The following NF2 variants were observed in gnomAD, a reference collection of about 807,000 sequenced individuals.
The protein encoded by NF2 is merlin.
In NF2, 8 loss-of-function variants were observed where a neutral mutation model predicts 83.7. The ratio of observed to expected loss-of-function variants is 0.10; its 90% confidence interval spans 0.06 to 0.17. The LOEUF (loss-of-function observed/expected upper bound fraction) is 0.17, where lower values mean the gene tolerates loss of function less well. Ranked by LOEUF, NF2 falls within the 10% of genes least tolerant of loss-of-function variation. NF2 has a pLI of 1.00. For synonymous variants in NF2, 266 were observed against 269.6 expected (o/e 0.99, Z 0.13); for missense variants, 533 against 744.4 (o/e 0.72, Z 3.31).
intron 9 of NF2, among the ~76,000 whole-genome samples, chr22:29,665,407 C>T (rs1480544454): frequency 6.6e-6 from 1 of 151,994 alleles, no homozygotes; most frequent in Non-Finnish European, 1.5e-5. Context: ...CCATGCCCAG[C>T]TAATTTTTGT....
chr22:29,698,131 A>G lies in NF2; in HGVS notation c.*3329A>G. Reference sequence around the variant, plus strand: ...TTCATCCTGATCAAGGCCCCACCTCAGCCACAGCAGTCCCCCCAACCTGTG... The same window carrying G: ...TTCATCCTGATCAAGGCCCCACCTCGGCCACAGCAGTCCCCCCAACCTGTG... On this transcript the variant is annotated 3_prime_UTR_variant, in exon 16 of 16. Transcript: ENST00000338641. 1.3e-5 allele frequency: 3 copies of G among 232,212 alleles called. No individual in the cohort carries two copies. Among genetic ancestry groups the G allele is most frequent in the Non-Finnish European group, 2.6e-5 (3 of 117,292 alleles). The allele number at this position is 232,212 out of a possible 1,614,324, so 14.4% of individuals were successfully genotyped here. A position where few individuals can be genotyped will look rare whatever the true frequency, so the allele number is the denominator to read the frequency against.
chr22:29,644,070 C>G (rs1357096756), intron 4 of NF2, among the ~76,000 whole-genome samples: 1 of 150,344 alleles, frequency 6.7e-6, no homozygotes, highest in East Asian at 2.0e-4. Context: ...CGGAGACGCT[C>G]CTCACTTCCC....
chr22:29,628,373 G>A (rs1278999967), intron 1 of NF2, among the ~76,000 whole-genome samples: 1 of 152,082 alleles, frequency 6.6e-6, no homozygotes, highest in Non-Finnish European at 1.5e-5. Flanking sequence ...ACAAATAAAT[G>A]GAAGCACATA....
intron 2 of NF2, among the ~76,000 whole-genome samples, chr22:29,638,686 G>C (rs2065716081): frequency 6.6e-6 from 1 of 151,942 alleles, no homozygotes. Context: ...CCTAAATATT[G>C]GCAGTAGGCA....
intron 15 of NF2, among the ~76,000 whole-genome samples, chr22:29,692,164 G>A (rs1279296295): frequency 2.6e-5 from 4 of 152,178 alleles, no homozygotes; most frequent in East Asian, 1.9e-4. Flanking sequence ...CAGCCAGGTC[G>A]TGGCTGCCTC....
At chr22:29,682,933 T>C (rs1443405237) in intron 15 of NF2, 1 of 1,512,090 alleles carries the variant, frequency 6.6e-7, no homozygotes. Flanking sequence ...TTCAGGCCTA[T>C]CCAAGCATTT....
intron 1 of NF2, among the ~76,000 whole-genome samples, chr22:29,625,806 C>G (rs1569273698): frequency 6.6e-6 from 1 of 152,218 alleles, no homozygotes; most frequent in Non-Finnish European, 1.5e-5. Context: ...AGCCTTTTCT[C>G]TTCCAACTCT....
chr22:29,660,405 T>C (rs1215092737), intron 7 of NF2, among the ~76,000 whole-genome samples: 2 of 152,216 alleles, frequency 1.3e-5, no homozygotes, highest in East Asian at 1.9e-4. Context: ...CCCATATATA[T>C]GCACAATCTA....
At chr22:29,661,400 T>G in intron 8 of NF2, 61 bp downstream of exon 8, 1 of 1,605,596 alleles carries the variant, frequency 6.2e-7, no homozygotes. Flanking sequence ...CCCCCCTCAC[T>G]GGAGCCTCCC....
At chr22:29,630,521 G>T (rs2065480115) in intron 1 of NF2, among the ~76,000 whole-genome samples, 1 of 152,258 alleles carries the variant, frequency 6.6e-6, no homozygotes. Flanking sequence ...ACAAAGGCGA[G>T]AAGCATCCGA....
intron 1 of NF2, among the ~76,000 whole-genome samples, chr22:29,625,316 CAT>C (rs2065340342): frequency 6.6e-6 from 1 of 152,162 alleles, no homozygotes; most frequent in Non-Finnish European, 1.5e-5. Context: ...GGATTTCTGC[CAT>C]AGTTAATTAT....
In NF2 at chr22:29,696,036, C is replaced by T. The variant is rs2067541611; in HGVS notation, c.*1234C>T. ...CACAGAACCACCCCCACGGCTCACT[C>T]CTTGGTCTGGGGCCACCTTCTTGCC... On this transcript the variant is annotated 3_prime_UTR_variant, in exon 16 of 16. Transcript: ENST00000338641. 4.3e-6 allele frequency: 1 copy of T among 232,954 alleles called. No homozygotes were observed. Among genetic ancestry groups the T allele is most frequent in the Non-Finnish European group, 8.5e-6 (1 of 118,006 alleles). 14.4% of individuals were successfully genotyped at this position (232,954 alleles called of 1,614,324 possible).
At chr22:29,634,071 A>G (rs911292220) in intron 1 of NF2, among the ~76,000 whole-genome samples, 7 of 152,226 alleles carry the variant, frequency 4.6e-5, no homozygotes, top group South Asian at 2.1e-4. Flanking sequence ...ACCCCACAGA[A>G]CAGGAAAAGA....
At chr22:29,622,577 C>T (rs555422638) in intron 1 of NF2, among the ~76,000 whole-genome samples, 23 of 150,702 alleles carry the variant, frequency 1.5e-4, no homozygotes, top group African/African-American at 2.2e-4. Context: ...ACTGTTCAGA[C>T]GACATTGTTT....
rs151059365 is a variant in NF2, at chr22:29,666,302, G to A, written c.885+1238G>A. Among the ~76,000 whole-genome samples the A allele has an allele frequency of 8.4e-3, 1,275 of 152,000 alleles. 17 individuals carry two copies. Among genetic ancestry groups the A allele is most frequent in the African/African-American group, 0.03 (1,235 of 41,456 alleles). On this transcript the variant is annotated intron_variant, in intron 9 of 15. Coordinates refer to ENST00000338641, the MANE Select transcript of NF2 (RefSeq NM_000268.4). Reference sequence around the variant, plus strand: ...ATTACAGGCGGCCACTACCACGCCCGGCTAATTTTTGTATTTTTAGTAGAG... The same window carrying A: ...ATTACAGGCGGCCACTACCACGCCCAGCTAATTTTTGTATTTTTAGTAGAG...
At chr22:29,671,980 C>T (rs766734616) in intron 11 of NF2, 32 bp downstream of exon 11, 1 of 1,614,050 alleles carries the variant, frequency 6.2e-7, no homozygotes. Flanking sequence ...TTCCAGGAGG[C>T]TACTTGGGGA....
In NF2 at chr22:29,610,676, G is replaced by A. The variant is rs12157566; in HGVS notation, c.114+6564G>A. ...AAAAAAAAGAAGAAAGAAAAGCAAAGCAAAGCCCAGGCCTGTACCTACTAG... is the reference window on the plus strand; with the variant it reads ...AAAAAAAAGAAGAAAGAAAAGCAAAACAAAGCCCAGGCCTGTACCTACTAG... On this transcript the variant is annotated intron_variant, in intron 1 of 15. Coordinates refer to ENST00000338641, the MANE Select transcript of NF2 (RefSeq NM_000268.4). 3.9e-3 allele frequency among the ~76,000 whole-genome samples: 594 copies of A among 150,472 alleles called. 4 individuals are homozygous for A. The highest frequency in any genetic ancestry group is 0.014 in the African/African-American group (580 of 41,148).
At chr22:29,653,839 G>A (rs1000197871) in intron 4 of NF2, among the ~76,000 whole-genome samples, 1 of 152,168 alleles carries the variant, frequency 6.6e-6, no homozygotes, top group African/African-American at 2.4e-5. Flanking sequence ...GAGCTTTGTT[G>A]TTTTTGGTAA....
chr22:29,636,603 A>G lies in NF2; in HGVS notation c.115-148A>G. 3.9e-6 allele frequency: 4 copies of G among 1,033,828 alleles called. No individual in the cohort carries two copies. Among genetic ancestry groups the G allele is most frequent in the Non-Finnish European group, 6.0e-6 (4 of 670,508 alleles). The allele number at this position is 1,033,828 out of a possible 1,614,324, so 64.0% of individuals were successfully genotyped here. ...TTCCCACTCATGGGTTTGTAAAGGAAGCTTTAAAATTATTTAGGAATTCAG... is the reference window on the plus strand; with the variant it reads ...TTCCCACTCATGGGTTTGTAAAGGAGGCTTTAAAATTATTTAGGAATTCAG... On this transcript the variant is annotated intron_variant, in intron 1 of 15. Coordinates refer to ENST00000338641, the MANE Select transcript of NF2 (RefSeq NM_000268.4). This position sits in a 1 kb window ranked among gnomAD's most constrained non-coding sequence, Gnocchi z 4.4.
Sources: gnomAD v4.1 joint callset for allele counts (sites outside exome capture counted in the v4.1 genomes callset) on GRCh38, gnomAD v4.1.1 for gene constraint, Gnocchi (gnomAD v3.1) non-coding constraint, MANE v1.5 for transcripts, NCBI Gene and HGNC (gene_info 2026-07-23, HGNC 2026-07-21) for gene names.